The following UBR1 variants were observed in gnomAD, a reference collection of about 807,000 sequenced individuals.
UBR1 encodes E3 ubiquitin-protein ligase UBR1.
Under a neutral mutation model 242.1 loss-of-function variants are expected in UBR1, and 102 were observed. The observed-to-expected ratio is 0.42, with a 90% CI of 0.36 to 0.50. The LOEUF is 0.50. Among genes scored for constraint, UBR1 ranks in the 20% least tolerant of loss-of-function variants. The probability of loss-of-function intolerance (pLI) is 0.01; values close to 1 mark genes in which losing one functional copy is unlikely to be tolerated. For synonymous variants in UBR1, 675 were observed against 684.8 expected, an observed-to-expected ratio of 0.99 and a Z score of 0.22; for missense variants, 1,772 against 2,101.8, an observed-to-expected ratio of 0.84 and a Z score of 3.07.
At chr15:43,060,244 C>A (rs2033666932) in intron 6 of UBR1, 130 bp from the exon 7 acceptor site, 2 of 865,888 alleles carry the variant, frequency 2.3e-6, no homozygotes, top group African/African-American at 1.7e-5. Context: ...TTGTAAGATA[C>A]CGGAACAATA....
intron 12 of UBR1, among the ~76,000 whole-genome samples, chr15:43,052,906 T>C (rs1238699869): frequency 6.6e-6 from 1 of 152,210 alleles, no homozygotes; most frequent in Non-Finnish European, 1.5e-5. Flanking sequence ...TATAATCAAA[T>C]CTCAGTTCTG....
chr15:43,043,093 G>GT, intron 15 of UBR1, 122 bp downstream of exon 15: 1 of 1,074,990 alleles, frequency 9.3e-7, no homozygotes, highest in Non-Finnish European at 1.4e-6. Flanking sequence ...CTTAACTGCA[G>GT]TATCTGACCT....
chr15:43,035,079 T>A (rs2141315564), intron 19 of UBR1, among the ~76,000 whole-genome samples: 1 of 152,266 alleles, frequency 6.6e-6, no homozygotes, highest in African/African-American at 2.4e-5. Context: ...TATAGTGCAA[T>A]CCTATATAGT....
At chr15:42,967,007 C>T (rs1435555793) in intron 40 of UBR1, among the ~76,000 whole-genome samples, 2 of 152,086 alleles carry the variant, frequency 1.3e-5, no homozygotes, top group African/African-American at 4.8e-5. Flanking sequence ...GCAACCTCTG[C>T]TTCCCAGGTT....
intron 34 of UBR1, among the ~76,000 whole-genome samples, chr15:42,989,311 C>A (rs1156757073): frequency 1.3e-5 from 2 of 152,168 alleles, no homozygotes; most frequent in Non-Finnish European, 2.9e-5. Context: ...TTCAGAGGAA[C>A]AGATCTAACC....
rs1013360848 is a variant in UBR1, at chr15:42,996,605, A to AC, written c.3757+1562dup. Among the ~76,000 whole-genome samples the AC allele has an allele frequency of 9.0e-3, 1,366 of 151,218 alleles. 16 individuals carry two copies. The highest frequency in any genetic ancestry group is 0.031 in the African/African-American group (1,294 of 41,160). On this transcript the variant is annotated intron_variant, in intron 33 of 46. Transcript: ENST00000290650. ...AAACAAACAAACAAAAAAACAACAA[A>AC]CCCCCCCAACAAAACAAACAAAAAA...
intron 45 of UBR1, among the ~76,000 whole-genome samples, chr15:42,950,745 T>C (rs1433818250): frequency 6.6e-6 from 1 of 152,104 alleles, no homozygotes; most frequent in African/African-American, 2.4e-5. Context: ...CAGAATCACA[T>C]CTCCTAGTCT....
In UBR1 at chr15:43,054,596, G is replaced by A. The variant is rs536739758; in HGVS notation, c.1439+146C>T. ...GCCTTCACTGAAGACATTTATTAAC[G>A]CGAGGCAGTAACAGTTCTTTGTACT... On this transcript the variant is annotated intron_variant, in intron 12 of 46. Transcript: ENST00000290650. 1.2e-4 allele frequency: 107 copies of A among 895,422 alleles called. 1 individual carries two copies. The highest frequency in any genetic ancestry group is 7.5e-4 in the South Asian group (53 of 71,054). The allele number at this position is 895,422 out of a possible 1,614,324, so 55.5% of individuals were successfully genotyped here.
At position 42,945,276 on chromosome 15, in the gene UBR1, A is replaced by C; in HGVS notation, c.*53T>G. 6.2e-7 allele frequency: 1 copy of C among 1,613,656 alleles called. No homozygotes were observed. The highest frequency in any genetic ancestry group is 8.5e-7 in the Non-Finnish European group (1 of 1,179,784). ...CTCAGAAAGTTTTCCATAATTTTGA[A>C]TCAGCCTTTACTACTGTCGTCATTT... On this transcript the variant is annotated 3_prime_UTR_variant, in exon 47 of 47. Coordinates refer to ENST00000290650, the MANE Select transcript of UBR1 (RefSeq NM_174916.3).
At chr15:42,998,937 CTTTTTTTTTT>C (rs35098054) in intron 32 of UBR1, among the ~76,000 whole-genome samples, 1 of 121,270 alleles carries the variant, frequency 8.2e-6, no homozygotes, top group Non-Finnish European at 1.7e-5. Context: ...GGAGCCTTTG[CTTTTTTTTTT>C]TTTTTTTTGA....
intron 13 of UBR1, 133 bp from the exon 14 acceptor site, chr15:43,047,422 C>A: frequency 7.7e-7 from 1 of 1,297,314 alleles, no homozygotes; most frequent in Non-Finnish European, 1.1e-6. Context: ...TGCATGGGTT[C>A]AATTCCCAGC....
chr15:43,079,311 AT>A (rs531151282), intron 3 of UBR1, among the ~76,000 whole-genome samples: 94 of 152,314 alleles, frequency 6.2e-4, no homozygotes, highest in Non-Finnish European at 1.0e-3. Flanking sequence ...GTTAAAAAAA[AT>A]AATCGAATTA....
intron 6 of UBR1, 94 bp downstream of exon 6, chr15:43,067,804 G>T: frequency 6.7e-7 from 1 of 1,502,262 alleles, no homozygotes; most frequent in South Asian, 1.1e-5. Flanking sequence ...AGGATGGTCA[G>T]ACCTAGCACA....
intron 6 of UBR1, among the ~76,000 whole-genome samples, chr15:43,065,332 C>T (rs979906858): frequency 3.3e-5 from 5 of 152,092 alleles, no homozygotes; most frequent in East Asian, 1.9e-4. Context: ...TCCTCTGATT[C>T]GTTCTCCTTT....
chr15:42,962,710 G>A (rs1351864826), intron 42 of UBR1, among the ~76,000 whole-genome samples: 2 of 151,782 alleles, frequency 1.3e-5, no homozygotes, highest in South Asian at 2.1e-4. Flanking sequence ...GGCTGGTCTC[G>A]AACTCCTGAC....
chr15:43,028,646 G>T (rs1324869718), intron 21 of UBR1, among the ~76,000 whole-genome samples: 2 of 151,496 alleles, frequency 1.3e-5, no homozygotes, highest in South Asian at 2.1e-4. Context: ...TCAGGAGGCT[G>T]AGGCAGGAGA....
intron 29 of UBR1, among the ~76,000 whole-genome samples, chr15:43,013,066 C>T (rs1018979128): frequency 3.3e-5 from 5 of 152,130 alleles, no homozygotes; most frequent in East Asian, 1.9e-4. Flanking sequence ...TCACCACACC[C>T]GGCTAATTTT....
chr15:42,956,319 CT>C (rs1037382096), intron 44 of UBR1, among the ~76,000 whole-genome samples: 138 of 151,860 alleles, frequency 9.1e-4, no homozygotes, highest in African/African-American at 3.2e-3. Context: ...CCTGAGGCAA[CT>C]TTTTTTTTCT....
chr15:43,104,028 C>T (rs566923673), intron 1 of UBR1, among the ~76,000 whole-genome samples: 2 of 152,328 alleles, frequency 1.3e-5, no homozygotes, highest in African/African-American at 4.8e-5. Context: ...CACAGGACTT[C>T]ATTTACTGAC....
Sources: allele counts gnomAD v4.1 joint callset (sites outside exome capture counted in the v4.1 genomes callset), GRCh38; gene constraint gnomAD v4.1.1; transcripts MANE v1.5; gene names NCBI Gene and HGNC (gene_info 2026-07-23, HGNC 2026-07-21).